TMLHE: variants seen among roughly 807,000 people sequenced by gnomAD.
TMLHE encodes trimethyllysine dioxygenase, mitochondrial.
A neutral mutation model predicts 25.7 loss-of-function variants in TMLHE; 18 were observed. The observed-to-expected ratio is 0.70, with a 90% CI of 0.48 to 1.04. TMLHE has a LOEUF of 1.04. Ranked by LOEUF, TMLHE falls within the 50% of genes least tolerant of loss-of-function variation. The pLI is 0.00. For synonymous variants in TMLHE, 105 were observed against 97.0 expected (o/e 1.08, Z -0.49); for missense variants, 236 against 259.0 (o/e 0.91, Z 0.61).
intron 1 of TMLHE, among the ~76,000 whole-genome samples, chrX:155,586,653 T>C (rs1347785924): frequency 9.0e-6 from 1 of 110,696 alleles, no homozygotes; most frequent in Non-Finnish European, 1.9e-5. Context: ...AAGACCCAAA[T>C]AAACAAAATT....
chrX:155,607,548 G>T (rs1234089209), intron 1 of TMLHE, among the ~76,000 whole-genome samples: 1 of 110,538 alleles, frequency 9.0e-6, no homozygotes, highest in Non-Finnish European at 1.9e-5. Flanking sequence ...ACTACTGGAA[G>T]TCTTGGCCAG....
intron 3 of TMLHE, among the ~76,000 whole-genome samples, chrX:155,514,997 G>C (rs980524510): frequency 1.8e-5 from 2 of 111,236 alleles, no homozygotes; most frequent in Non-Finnish European, 3.8e-5. Flanking sequence ...TTGACAACTT[G>C]TCTCTCCTTT....
At position 155,507,054 on chromosome X, in the gene TMLHE, T is replaced by C. The variant is rs782761175; in HGVS notation, c.839A>G (p.Gln280Arg). ...TTCCTCAGGTGCCTTTTGAAGTACC[T>C]GTTCTGCTGCATAGAATCCATCTAC... ...LLVDGFYAAE[Q>R]VLQKAPEEFE... The change falls in exon 6 of 8, where the codon CAG becomes CGG. Residue 280 changes from glutamine (Q) to arginine (R), a missense_variant. Gln to Arg is a conservative substitution (Grantham distance 43). Coordinates refer to ENST00000334398, the MANE Select transcript of TMLHE (RefSeq NM_018196.4). 3 of 1,210,404 alleles carry C rather than the reference T, an allele frequency of 2.5e-6. No individual in the cohort carries two copies. The highest frequency in any genetic ancestry group is 5.9e-5 in the East Asian group (2 of 33,801).
chrX:155,529,013 A>G (rs1557336816), intron 2 of TMLHE, among the ~76,000 whole-genome samples: 1 of 112,162 alleles, frequency 8.9e-6, no homozygotes, highest in African/African-American at 3.3e-5. Context: ...GTTTATCCAC[A>G]TTTTAAGATA....
intron 1 of TMLHE, among the ~76,000 whole-genome samples, chrX:155,582,262 G>C (rs1395279269): frequency 2.7e-5 from 3 of 112,030 alleles, no homozygotes; most frequent in African/African-American, 9.7e-5. Flanking sequence ...ACATAGGCAT[G>C]GGCAAGGACT....
chrX:155,575,128 G>T (rs782798427), intron 1 of TMLHE, among the ~76,000 whole-genome samples: 1 of 111,856 alleles, frequency 8.9e-6, no homozygotes, highest in South Asian at 3.7e-4. Context: ...GGCTATGAGG[G>T]AAAGATATGT....
At chrX:155,548,510 C>A (rs782025458) in intron 1 of TMLHE, among the ~76,000 whole-genome samples, 3 of 109,588 alleles carry the variant, frequency 2.7e-5, no homozygotes, top group Non-Finnish European at 3.8e-5. Flanking sequence ...TCAAGGCGGG[C>A]GGATCACAAG....
intron 1 of TMLHE, among the ~76,000 whole-genome samples, chrX:155,579,953 CAA>C (rs781816890): frequency 3.3e-5 from 3 of 91,327 alleles, no homozygotes; most frequent in African/African-American, 4.0e-5. Flanking sequence ...TCGCAAGCAA[CAA>C]AAAAAAAAAA....
At chrX:155,516,156 A>G (rs2067154316) in intron 3 of TMLHE, among the ~76,000 whole-genome samples, 1 of 43,203 alleles carries the variant, frequency 2.3e-5, no homozygotes, top group African/African-American at 8.3e-5. Flanking sequence ...TCCCAATGCT[A>G]TCCCTCCCCC....
intron 1 of TMLHE, among the ~76,000 whole-genome samples, chrX:155,576,272 G>C (rs889095379): frequency 9.0e-6 from 1 of 110,988 alleles, no homozygotes; most frequent in African/African-American, 3.3e-5. Flanking sequence ...GCCACAAGAA[G>C]AATAAAATAC....
At chrX:155,532,475 G>T (rs990715397) in intron 2 of TMLHE, among the ~76,000 whole-genome samples, 57 of 111,732 alleles carry the variant, frequency 5.1e-4, no homozygotes, top group African/African-American at 1.9e-3. Context: ...CATTTTGTCT[G>T]TGACAGCAGG....
At chrX:155,522,839 A>G (rs1980165836) in intron 3 of TMLHE, among the ~76,000 whole-genome samples, 1 of 111,624 alleles carries the variant, frequency 9.0e-6, no homozygotes, top group South Asian at 3.7e-4. Flanking sequence ...ACAGGGTTTT[A>G]TGTGAACATA....
intron 1 of TMLHE, among the ~76,000 whole-genome samples, chrX:155,562,397 C>CT (rs111517743): frequency 5.2e-5 from 3 of 57,511 alleles, no homozygotes; most frequent in Admixed American, 2.1e-4. Context: ...CCCATGAAAC[C>CT]TTTTTTTTTT....
chrX:155,598,126 C>T (rs1205923209), intron 1 of TMLHE, among the ~76,000 whole-genome samples: 3 of 111,640 alleles, frequency 2.7e-5, no homozygotes, highest in Non-Finnish European at 3.8e-5. Flanking sequence ...CTAATAGATA[C>T]CATGCCACAG....
intron 6 of TMLHE, among the ~76,000 whole-genome samples, chrX:155,506,134 G>C (rs1786094547): frequency 9.0e-6 from 1 of 110,939 alleles, no homozygotes; most frequent in Admixed American, 9.7e-5. Context: ...AGGTTTAGAA[G>C]GATCTTAACA....
intron 1 of TMLHE, among the ~76,000 whole-genome samples, chrX:155,548,517 C>CTT (rs1393463922): frequency 4.6e-5 from 5 of 108,119 alleles, no homozygotes; most frequent in Non-Finnish European, 9.5e-5. Flanking sequence ...GGGCGGATCA[C>CTT]AAGGTCAGCA....
intron 1 of TMLHE, among the ~76,000 whole-genome samples, chrX:155,583,523 T>A (rs1444363314): frequency 2.1e-5 from 2 of 94,823 alleles, no homozygotes; most frequent in Non-Finnish European, 4.1e-5. Context: ...AGCCAAACCA[T>A]ATCAAGCACT....
intron 1 of TMLHE, among the ~76,000 whole-genome samples, chrX:155,548,724 G>A (rs902222143): frequency 1.9e-5 from 2 of 102,787 alleles, no homozygotes; most frequent in Non-Finnish European, 3.9e-5. Context: ...GACAGAGTGA[G>A]ACTCTGTCTC....
chrX:155,574,882 A>G (rs2067580260), intron 1 of TMLHE, among the ~76,000 whole-genome samples: 1 of 112,059 alleles, frequency 8.9e-6, no homozygotes, highest in Non-Finnish European at 1.9e-5. Flanking sequence ...AAGCTTAAAG[A>G]TAGATTAATA....
Sources: allele counts gnomAD v4.1 joint callset (sites outside exome capture counted in the v4.1 genomes callset), GRCh38; gene constraint gnomAD v4.1.1; transcripts MANE v1.5; gene names NCBI Gene and HGNC (gene_info 2026-07-23, HGNC 2026-07-21).